ARFGEF1: variants seen among roughly 807,000 people sequenced by gnomAD.
ARFGEF1 encodes brefeldin A-inhibited guanine nucleotide-exchange protein 1.
ARFGEF1 carries 42 observed loss-of-function variants against 231.0 expected under a neutral mutation model. That is an observed-to-expected ratio of 0.18 (90% confidence interval 0.14 to 0.24). The LOEUF (loss-of-function observed/expected upper bound fraction) is 0.24. Among genes scored for constraint, ARFGEF1 ranks in the 10% least tolerant of loss-of-function variants. The pLI is 1.00. For missense variants in ARFGEF1, 1,345 were observed against 2,192.0 expected, an observed-to-expected ratio of 0.61 and a Z score of 7.72; for synonymous variants, 710 against 732.3, an observed-to-expected ratio of 0.97 and a Z score of 0.49.
intron 5 of ARFGEF1, among the ~76,000 whole-genome samples, chr8:67,294,890 C>T (rs1587245667): frequency 1.3e-5 from 2 of 152,226 alleles, no homozygotes; most frequent in East Asian, 1.9e-4. Flanking sequence ...AAAAGAGCTA[C>T]AGCTCCTTAT....
At chr8:67,341,262 A>G (rs944851705) in intron 1 of ARFGEF1, among the ~76,000 whole-genome samples, 8 of 152,102 alleles carry the variant, frequency 5.3e-5, no homozygotes, top group Non-Finnish European at 1.2e-4. Flanking sequence ...TTAATGTATT[A>G]AAAATATGTT....
chr8:67,325,970 G>A (rs1035098514), intron 1 of ARFGEF1, among the ~76,000 whole-genome samples: 7 of 152,178 alleles, frequency 4.6e-5, no homozygotes, highest in Non-Finnish European at 8.8e-5. Context: ...AGGCCGAGGC[G>A]GGCAGATCAC....
chr8:67,224,698 T>C (rs943674364), intron 29 of ARFGEF1, among the ~76,000 whole-genome samples: 1 of 152,316 alleles, frequency 6.6e-6, no homozygotes, highest in Non-Finnish European at 1.5e-5. Flanking sequence ...ATTTTAAAAA[T>C]AATGTAGTAT....
chr8:67,222,210 C>CATATATATATATAT (rs1839207204), intron 29 of ARFGEF1, among the ~76,000 whole-genome samples: 1 of 130,396 alleles, frequency 7.7e-6, no homozygotes. Flanking sequence ...TATATACACA[C>CATATATATATATAT]ACATATATAT....
chr8:67,204,441 C>CT lies in ARFGEF1; in HGVS notation c.4959+238dup, dbSNP rs1488702236. On this transcript the variant is annotated intron_variant, in intron 35 of 38. Transcript: ENST00000262215. Reference sequence around the variant, plus strand: ...CATGGATTCTCGTCTTCAGTCTCTGCTAGCTGCCTCATCTCCAGGAGCTGT... The same window carrying CT: ...CATGGATTCTCGTCTTCAGTCTCTGCTTAGCTGCCTCATCTCCAGGAGCTGT... Among the ~76,000 whole-genome samples the CT allele has an allele frequency of 5.3e-5, 8 of 152,312 alleles. No individual in the cohort carries two copies. The South Asian group carries it at 6.2e-4, about 12-fold the overall frequency.
chr8:67,180,437 A>G (rs995873173), intron 5 of ARFGEF1, among the ~76,000 whole-genome samples: 2 of 152,252 alleles, frequency 1.3e-5, no homozygotes, highest in African/African-American at 4.8e-5. Context: ...GTTGAGGGAT[A>G]GGGAGAGGTG....
intron 34 of ARFGEF1, among the ~76,000 whole-genome samples, chr8:67,205,865 T>A (rs191484253): frequency 2.3e-3 from 291 of 126,132 alleles, no homozygotes; most frequent in Admixed American, 7.6e-3. Flanking sequence ...CTCAAAAAAA[T>A]AAATAAATAA....
In ARFGEF1 at chr8:67,343,378, A is replaced by T; in HGVS notation, c.-91T>A. On this transcript the variant is annotated 5_prime_UTR_variant, in exon 1 of 39. Coordinates refer to ENST00000262215, the MANE Select transcript of ARFGEF1 (RefSeq NM_006421.5). ...GGAGAGGAAGGAAGAGAAGAGAGAA[A>T]GGAGAGGGGGTGGAGGTGGGGGATT... 7.8e-7 allele frequency: 1 copy of T among 1,290,256 alleles called. No individual in the cohort carries two copies. Among genetic ancestry groups the T allele is most frequent in the Non-Finnish European group, 1.0e-6 (1 of 971,186 alleles). The allele number at this position is 1,290,256 out of a possible 1,614,324, so 79.9% of individuals were successfully genotyped here.
At chr8:67,242,307 A>C (rs1227084187) in intron 19 of ARFGEF1, among the ~76,000 whole-genome samples, 1 of 152,174 alleles carries the variant, frequency 6.6e-6, no homozygotes, top group Non-Finnish European at 1.5e-5. Flanking sequence ...CTCCCTTCTC[A>C]TACTTAAGGA....
chr8:67,191,534 G>C (rs1836250486), intron 5 of ARFGEF1, among the ~76,000 whole-genome samples: 1 of 152,166 alleles, frequency 6.6e-6, no homozygotes, highest in South Asian at 2.1e-4. Context: ...ATCATACACT[G>C]TATGATTATT....
intron 20 of ARFGEF1, among the ~76,000 whole-genome samples, chr8:67,239,164 G>A (rs1291955595): frequency 6.6e-6 from 1 of 151,820 alleles, no homozygotes; most frequent in African/African-American, 2.4e-5. Flanking sequence ...CCACTACCAT[G>A]CCAAGCTAAT....
intron 7 of ARFGEF1, among the ~76,000 whole-genome samples, chr8:67,285,729 T>C (rs1399630581): frequency 2.0e-5 from 3 of 152,206 alleles, no homozygotes. Flanking sequence ...TATTAAGTAC[T>C]AATATCACCA....
intron 22 of ARFGEF1, among the ~76,000 whole-genome samples, chr8:67,235,070 G>GTATA (rs374307984): frequency 3.4e-5 from 5 of 146,938 alleles, no homozygotes; most frequent in African/African-American, 5.0e-5. Context: ...GTGTATGTGT[G>GTATA]TATATATATA....
chr8:67,270,281 G>A (rs1021514343), intron 10 of ARFGEF1, among the ~76,000 whole-genome samples: 40 of 152,110 alleles, frequency 2.6e-4, no homozygotes, highest in African/African-American at 8.4e-4. Flanking sequence ...CAAAAATATG[G>A]CCCAAATTAA....
At chr8:67,216,781 G>T in intron 32 of ARFGEF1, 119 bp from the exon 33 acceptor site, 2 of 625,930 alleles carry the variant, frequency 3.2e-6, no homozygotes, top group South Asian at 7.6e-5. Context: ...GTCCATCTTT[G>T]ACCACTGCTA....
chr8:67,230,241 T>A (rs1444826103), intron 23 of ARFGEF1, among the ~76,000 whole-genome samples: 2 of 152,128 alleles, frequency 1.3e-5, no homozygotes, highest in African/African-American at 4.8e-5. Flanking sequence ...AATCAGCCTA[T>A]GAAATGGTTT....
chr8:67,275,159 T>C (rs750329065), intron 9 of ARFGEF1, among the ~76,000 whole-genome samples: 11 of 152,112 alleles, frequency 7.2e-5, no homozygotes, highest in Non-Finnish European at 1.5e-4. Context: ...TCTATTTCAA[T>C]ATCCCTTTCT....
At chr8:67,192,078 G>GTTT (rs71249424) in intron 5 of ARFGEF1, among the ~76,000 whole-genome samples, 6 of 127,690 alleles carry the variant, frequency 4.7e-5, no homozygotes, top group Admixed American at 1.5e-4. Flanking sequence ...TTTTTTTTTT[G>GTTT]TTTTTTTTTT....
rs1839763622 is a variant in ARFGEF1 at position 67,236,368 on chromosome 8, ATATATATATATATATATATATATATAT to A, written c.3289+1948_3289+1974del. Among the ~76,000 whole-genome samples, 11 of 26,220 alleles carry A rather than the reference ATATATATATATATATATATATATATAT, an allele frequency of 4.2e-4. 1 individual carries two copies. In the East Asian group the frequency reaches 5.0e-3, roughly 12 times the overall value. The allele number at this position is 26,220 out of a possible 152,430, so 17.2% of individuals were successfully genotyped here. On this transcript the variant is annotated intron_variant, in intron 22 of 38. Coordinates refer to ENST00000262215, the MANE Select transcript of ARFGEF1 (RefSeq NM_006421.5). ...ATTAGTTAAAAAAAAAAAAAAAAAT[ATATATATATATATATATATATATATAT>A]ATATATATATATATATGTATCCACT...
Sources: allele counts gnomAD v4.1 joint callset (sites outside exome capture counted in the v4.1 genomes callset), GRCh38; gene constraint gnomAD v4.1.1; transcripts MANE v1.5; gene names NCBI Gene and HGNC (gene_info 2026-07-23, HGNC 2026-07-21).